The following PLA2G2C variants were observed in gnomAD, a reference collection of about 807,000 sequenced individuals.
PLA2G2C encodes putative inactive group IIC secretory phospholipase A2.
In PLA2G2C, 15 loss-of-function variants were observed where a neutral mutation model predicts 14.3. That is an observed-to-expected ratio of 1.05 (90% confidence interval 0.70 to 1.62). The LOEUF is 1.62. Among genes scored for constraint, PLA2G2C ranks in the 40% most tolerant of loss-of-function variants. The pLI is 0.00. For missense variants in PLA2G2C, 162 were observed against 173.2 expected (o/e 0.94, Z 0.36); for synonymous variants, 79 against 67.7 (o/e 1.17, Z -0.82).
intron 3 of PLA2G2C, among the ~76,000 whole-genome samples, chr1:20,173,594 A>G (rs1387844508): frequency 6.6e-6 from 1 of 152,210 alleles, no homozygotes; most frequent in Non-Finnish European, 1.5e-5. Flanking sequence ...ACGGTCTCTG[A>G]GGAGACAACT....
At chr1:20,166,792 T>C (rs1363945614) in intron 4 of PLA2G2C, among the ~76,000 whole-genome samples, 1 of 152,182 alleles carries the variant, frequency 6.6e-6, no homozygotes, top group Non-Finnish European at 1.5e-5. Flanking sequence ...CAGTTCTACT[T>C]CAGTGGCCTG....
In PLA2G2C at chr1:20,179,212, CTGTGTG is replaced by C. The variant is rs35377696; in HGVS notation, c.-76-1779_-76-1774del. 6.3e-4 allele frequency among the ~76,000 whole-genome samples: 95 copies of C among 149,864 alleles called. 1 individual carries two copies. Among genetic ancestry groups the C allele is most frequent in the African/African-American group, 2.1e-3 (87 of 41,000 alleles). Reference sequence around the variant, plus strand: ...CAACTTCCCCTCTATGTCAGTTTCTCTGTGTGTGTGTGTGTGTGTGTGTGTTAGCTT... The same window carrying C: ...CAACTTCCCCTCTATGTCAGTTTCTCTGTGTGTGTGTGTGTGTGTTAGCTT... On this transcript the variant is annotated intron_variant, in intron 1 of 4. Transcript: ENST00000679259.
chr1:20,171,801 G>A (rs1200737414), intron 4 of PLA2G2C, among the ~76,000 whole-genome samples: 2 of 144,026 alleles, frequency 1.4e-5, no homozygotes, highest in Non-Finnish European at 3.0e-5. Context: ...TCGCTCTGTG[G>A]CCCAGGCGGG....
rs774288154 is a variant in PLA2G2C at position 20,175,091 on chromosome 1, C to A, written c.95G>T (p.Gly32Val). The A allele has an allele frequency of 5.0e-6, 8 of 1,613,894 alleles. No homozygotes were observed. Among genetic ancestry groups the A allele is most frequent in the Non-Finnish European group, 6.8e-6 (8 of 1,179,844 alleles). The change falls in exon 3 of 5, where the codon GGG becomes GTG. Residue 32 changes from glycine (G) to valine (V), a missense_variant. By Grantham distance (109) the Gly-to-Val change is moderately radical. Transcript: ENST00000679259. ...QFQRRVKHIT[G>V]RSAFFSYYGY... The stretch of plus-strand genomic sequence containing the variant: ...GTAATATGAGAAGAAGGCACTTCGC[C>A]CCGTGATGTGTTTGACCCTCCTCTG...
intron 3 of PLA2G2C, among the ~76,000 whole-genome samples, chr1:20,173,468 G>A (rs2018125224): frequency 6.6e-6 from 1 of 152,178 alleles, no homozygotes; most frequent in Admixed American, 6.5e-5. Context: ...GAGATTCCAA[G>A]AGGCCAATTT....
intron 2 of PLA2G2C, among the ~76,000 whole-genome samples, chr1:20,177,019 A>G (rs555644516): frequency 6.6e-6 from 1 of 152,344 alleles, no homozygotes; most frequent in African/African-American, 2.4e-5. Context: ...AAAGGCTACT[A>G]GCATCCAAAG....
chr1:20,183,563 G>A (rs1036585006), intron 1 of PLA2G2C, among the ~76,000 whole-genome samples: 5 of 152,266 alleles, frequency 3.3e-5, no homozygotes, highest in Non-Finnish European at 7.3e-5. Context: ...TGAAGATGAA[G>A]GGAGCCGACC....
At chr1:20,166,368 G>C (rs918978179) in intron 4 of PLA2G2C, among the ~76,000 whole-genome samples, 3 of 152,094 alleles carry the variant, frequency 2.0e-5, no homozygotes, top group Non-Finnish European at 2.9e-5. Flanking sequence ...CCGGTTTTGC[G>C]GCTCCCGCCA....
At position 20,175,060 on chromosome 1, in the gene PLA2G2C, A is replaced by T; in HGVS notation, c.126T>A (p.Tyr42Ter). The T allele has an allele frequency of 6.2e-7, 1 of 1,614,038 alleles. No homozygotes were observed. The highest frequency in any genetic ancestry group is 8.5e-7 in the Non-Finnish European group (1 of 1,179,920). The part of the protein sequence containing the change: ...GRSAFFSYYG[Y>*]GCYCGLGDKG... ...TATCCCCAAGCCCACAGTAGCAGCC[A>T]TATCCGTAATATGAGAAGAAGGCAC... The change falls in exon 3 of 5, where the codon TAT becomes TAA. Residue 42 changes from tyrosine (Y) to a stop codon, truncating the protein, a stop_gained. Coordinates refer to ENST00000679259, the MANE Select transcript of PLA2G2C (RefSeq NM_001367969.2). LOFTEE classifies it high-confidence loss of function.
intron 4 of PLA2G2C, among the ~76,000 whole-genome samples, chr1:20,167,210 T>C (rs1334364680): frequency 6.6e-6 from 1 of 152,164 alleles, no homozygotes. Flanking sequence ...GAACTCTGAA[T>C]ACTCCCAACT....
chr1:20,169,789 G>A (rs1297932188), intron 4 of PLA2G2C, among the ~76,000 whole-genome samples: 2 of 152,210 alleles, frequency 1.3e-5, no homozygotes, highest in Admixed American at 6.5e-5. Context: ...AAGGGGTGGA[G>A]CTGGAATTAG....
intron 2 of PLA2G2C, 138 bp from the exon 3 acceptor site, chr1:20,175,283 C>A (rs1403205971): frequency 1.7e-5 from 21 of 1,230,098 alleles, no homozygotes; most frequent in Non-Finnish European, 2.3e-5. Context: ...AGGGGCATGG[C>A]TGGAATCACC....
Position 20,163,978 on chromosome 1 carries a change from C to T in PLA2G2C, c.*13G>A, listed in dbSNP as rs759630318. The T allele has an allele frequency of 6.2e-7, 1 of 1,609,266 alleles. No homozygotes were observed. The highest frequency in any genetic ancestry group is 8.5e-7 in the Non-Finnish European group (1 of 1,177,802). On this transcript the variant is annotated 3_prime_UTR_variant, in exon 5 of 5. Coordinates refer to ENST00000679259, the MANE Select transcript of PLA2G2C (RefSeq NM_001367969.2). ...AGCGGATGCTGGATGATGAGAGGGA[C>T]CCTGTGGTGTCCCTAGCACCAGGGC...
intron 2 of PLA2G2C, among the ~76,000 whole-genome samples, chr1:20,176,575 C>T (rs1031854641): frequency 7.9e-5 from 12 of 152,202 alleles, no homozygotes; most frequent in Non-Finnish European, 1.6e-4. Context: ...CCCAAGCAGT[C>T]CCTGGAGCCG....
chr1:20,169,013 C>G (rs1277293220), intron 4 of PLA2G2C, among the ~76,000 whole-genome samples: 2 of 152,204 alleles, frequency 1.3e-5, no homozygotes, highest in Admixed American at 6.5e-5. Flanking sequence ...TCTCCCTCCC[C>G]TGCTTACCTA....
chr1:20,171,758 CTTTTTT>C (rs10710359), intron 4 of PLA2G2C, among the ~76,000 whole-genome samples: 1 of 121,524 alleles, frequency 8.2e-6, no homozygotes, highest in Non-Finnish European at 1.7e-5. Context: ...GCCACTTCTT[CTTTTTT>C]TTTTTTTTTT....
At chr1:20,173,663 G>A (rs1455631063) in intron 3 of PLA2G2C, among the ~76,000 whole-genome samples, 1 of 152,236 alleles carries the variant, frequency 6.6e-6, no homozygotes, top group Non-Finnish European at 1.5e-5. Context: ...GGGGCTGGAT[G>A]GGAGAGCACT....
chr1:20,173,637 C>T (rs151218483), intron 3 of PLA2G2C, among the ~76,000 whole-genome samples: 2 of 152,228 alleles, frequency 1.3e-5, no homozygotes, highest in African/African-American at 4.8e-5. Context: ...CCATTCATGG[C>T]ACCCAGAGTT....
chr1:20,165,672 G>A (rs1420243779), intron 4 of PLA2G2C, among the ~76,000 whole-genome samples: 1 of 152,062 alleles, frequency 6.6e-6, no homozygotes, highest in East Asian at 1.9e-4. Flanking sequence ...ATGCACATGT[G>A]TGTGCATGTG....
Sources: allele counts gnomAD v4.1 joint callset (sites outside exome capture counted in the v4.1 genomes callset), GRCh38; gene constraint gnomAD v4.1.1; transcripts MANE v1.5; gene names NCBI Gene and HGNC (gene_info 2026-07-23, HGNC 2026-07-21).